TRPM3: variants seen among roughly 807,000 people sequenced by gnomAD.
TRPM3 encodes the protein transient receptor potential cation channel subfamily M member 3, also known as long transient receptor potential channel 3.
In TRPM3, 77 loss-of-function variants were observed where a neutral mutation model predicts 181.2. The ratio of observed to expected loss-of-function variants is 0.42; its 90% CI spans 0.35 to 0.51. The LOEUF (loss-of-function observed/expected upper bound fraction) is 0.51. Ranked by LOEUF, TRPM3 falls within the 20% of genes least tolerant of loss-of-function variation. TRPM3 has a pLI of 0.01. For missense variants in TRPM3, 1,759 were observed against 2,196.7 expected, an observed-to-expected ratio of 0.80 and a Z score of 3.98; for synonymous variants, 745 against 796.4, an observed-to-expected ratio of 0.94 and a Z score of 1.09.
intron 1 of TRPM3, among the ~76,000 whole-genome samples, chr9:70,993,375 T>C (rs765026333): frequency 1.1e-4 from 17 of 151,968 alleles, no homozygotes; most frequent in Non-Finnish European, 1.9e-4. Context: ...ATTCTAGAAG[T>C]AGAGTTAACA....
intron 1 of TRPM3, among the ~76,000 whole-genome samples, chr9:71,106,785 C>T (rs953059505): frequency 2.6e-5 from 4 of 152,040 alleles, no homozygotes; most frequent in African/African-American, 4.8e-5. Flanking sequence ...CATTTTAAAA[C>T]GTATAAAACA....
At position 71,301,645 on chromosome 9, in the gene TRPM3, G is replaced by A. The variant is rs538112890; in HGVS notation, c.183+145008C>T. ...TCACCTTATTCAAACGTCAACTGCT[G>A]CTCAGATGATAAGGGGAAAGAATAC... On this transcript the variant is annotated intron_variant, in intron 1 of 24. Coordinates refer to the TRPM3 transcript ENST00000357533. 2.0e-5 allele frequency among the ~76,000 whole-genome samples: 3 copies of A among 152,176 alleles called. No individual in the cohort carries two copies. In the South Asian group the frequency reaches 6.2e-4, roughly 32 times the overall value.
At chr9:71,198,625 T>A (rs1316468265) in intron 1 of TRPM3, among the ~76,000 whole-genome samples, 1 of 151,244 alleles carries the variant, frequency 6.6e-6, no homozygotes, top group Non-Finnish European at 1.5e-5. Context: ...TTTTATTCTC[T>A]TTGAAGCAAT....
chr9:70,920,725 G>T (rs1459359323), intron 1 of TRPM3, among the ~76,000 whole-genome samples: 1 of 152,072 alleles, frequency 6.6e-6, no homozygotes, highest in Non-Finnish European at 1.5e-5. Flanking sequence ...AAATAGGAAA[G>T]ATATAATGCC....
At chr9:70,537,697 C>T (rs1459262086) in intron 25 of TRPM3, among the ~76,000 whole-genome samples, 2 of 152,096 alleles carry the variant, frequency 1.3e-5, no homozygotes, top group Non-Finnish European at 2.9e-5. Flanking sequence ...ATGCACAGTC[C>T]TGATAAAAAG....
In TRPM3 at chr9:70,752,041, TGTGTGTGTGCGC is replaced by T. The variant is rs1217782381; in HGVS notation, c.1272+9548_1272+9559del. ...GTGTGTGTGTGTGTGTGTGTGTGTG[TGTGTGTGTGCGC>T]GCGCGCGCGCATACACATGTACATG... On this transcript the variant is annotated intron_variant, in intron 8 of 25. Transcript: ENST00000677713. Among the ~76,000 whole-genome samples the T allele has an allele frequency of 5.4e-3, 637 of 117,832 alleles. 9 individuals carry two copies. The highest frequency in any genetic ancestry group is 0.019 in the African/African-American group (616 of 31,786). The allele number at this position is 117,832 out of a possible 152,430, so 77.3% of individuals were successfully genotyped here. A position where few individuals can be genotyped will look rare whatever the true frequency, so the allele number is the denominator to read the frequency against.
At chr9:71,030,478 T>C (rs1172094465) in intron 1 of TRPM3, among the ~76,000 whole-genome samples, 1 of 151,416 alleles carries the variant, frequency 6.6e-6, no homozygotes, top group Non-Finnish European at 1.5e-5. Context: ...GGCAGGAGAA[T>C]CGCTTGAACC....
chr9:70,987,783 T>C (rs2097436175), intron 1 of TRPM3, among the ~76,000 whole-genome samples: 1 of 152,118 alleles, frequency 6.6e-6, no homozygotes, highest in Non-Finnish European at 1.5e-5. Context: ...TGGAATGTCT[T>C]TGGAGGTTTC....
In TRPM3 at chr9:70,603,578, G is replaced by A. The variant is rs560981739; in HGVS notation, c.2668-108C>T. On this transcript the variant is annotated intron_variant, in intron 19 of 25. Transcript: ENST00000677713. ...GAGCAGGGTCAGCAAGCAGGACACA[G>A]ACTTTATGACAAAAGGAACTTGAAG... The A allele has an allele frequency of 5.1e-5, 62 of 1,225,050 alleles. No homozygotes were observed. In the African/African-American group the frequency reaches 8.9e-4, roughly 18 times the overall value. The allele number at this position is 1,225,050 out of a possible 1,614,324, so 75.9% of individuals were successfully genotyped here. A position where few individuals can be genotyped will look rare whatever the true frequency, so the allele number is the denominator to read the frequency against.
chr9:70,752,051 C>CGT (rs1326143812), intron 8 of TRPM3, among the ~76,000 whole-genome samples: 2 of 88,096 alleles, frequency 2.3e-5, no homozygotes, highest in African/African-American at 4.6e-5. Context: ...TGTGTGTGTG[C>CGT]GCGCGCGCGC....
chr9:70,579,652 G>A (rs980477949), intron 22 of TRPM3, among the ~76,000 whole-genome samples: 5 of 152,146 alleles, frequency 3.3e-5, no homozygotes, highest in Admixed American at 1.3e-4. Flanking sequence ...TAGGAAGCCC[G>A]TGCCCGCAGA....
intron 1 of TRPM3, among the ~76,000 whole-genome samples, chr9:70,960,753 T>TGTGTACACTGTCCA (rs1344853532): frequency 5.3e-5 from 8 of 152,292 alleles, no homozygotes; most frequent in African/African-American, 1.4e-4. Flanking sequence ...AAATGTGCCG[T>TGTGTACACTGTCCA]GTGTACACTG....
intron 1 of TRPM3, among the ~76,000 whole-genome samples, chr9:71,421,332 C>T (rs2093770027): frequency 6.6e-6 from 1 of 151,720 alleles, no homozygotes; most frequent in Non-Finnish European, 1.5e-5. Context: ...ACGTAACAAA[C>T]CACCAATCTA....
intron 1 of TRPM3, among the ~76,000 whole-genome samples, chr9:71,065,793 A>C (rs763692585): frequency 1.3e-5 from 2 of 152,156 alleles, no homozygotes; most frequent in African/African-American, 2.4e-5. Context: ...ACAGAGTCTA[A>C]TTTGCACACA....
At chr9:71,165,067 G>A (rs1055636280) in intron 1 of TRPM3, among the ~76,000 whole-genome samples, 5 of 152,134 alleles carry the variant, frequency 3.3e-5, no homozygotes, top group African/African-American at 1.2e-4. Context: ...TGGTCACAGT[G>A]TGCATATGTT....
chr9:70,938,402 T>A (rs556573660), intron 1 of TRPM3, among the ~76,000 whole-genome samples: 128 of 152,308 alleles, frequency 8.4e-4, no homozygotes, highest in African/African-American at 3.0e-3. Flanking sequence ...TTTGTACATA[T>A]GCTAATGCTA....
chr9:71,043,433 T>C (rs987842495), intron 1 of TRPM3, among the ~76,000 whole-genome samples: 1 of 152,194 alleles, frequency 6.6e-6, no homozygotes, highest in Non-Finnish European at 1.5e-5. Flanking sequence ...CTTTAATGTA[T>C]AGAAAATCCC....
At chr9:71,334,504 T>C (rs974403835) in intron 1 of TRPM3, among the ~76,000 whole-genome samples, 2 of 152,014 alleles carry the variant, frequency 1.3e-5, no homozygotes, top group Non-Finnish European at 2.9e-5. Context: ...CATAACATCC[T>C]CTGCTCTATT....
intron 1 of TRPM3, among the ~76,000 whole-genome samples, chr9:71,201,661 C>T (rs1459243743): frequency 4.6e-5 from 7 of 152,178 alleles, no homozygotes; most frequent in East Asian, 3.9e-4. Context: ...TCCAGTTGAT[C>T]GCATCGGCTC....
Sources: gnomAD v4.1 joint callset for allele counts (sites outside exome capture counted in the v4.1 genomes callset) on GRCh38, gnomAD v4.1.1 for gene constraint, MANE v1.5 for transcripts, NCBI Gene and HGNC (gene_info 2026-07-23, HGNC 2026-07-21) for gene names.